THOC5: variants seen among roughly 807,000 people sequenced by gnomAD.
The protein encoded by THOC5 is THO complex subunit 5.
In THOC5, 43 loss-of-function variants were observed where a neutral mutation model predicts 92.9. The ratio of observed to expected loss-of-function variants is 0.46; its 90% confidence interval spans 0.36 to 0.60. The LOEUF (loss-of-function observed/expected upper bound fraction) is 0.60, where lower values mean the gene tolerates loss of function less well. THOC5 is among the 20% of genes least tolerant of loss of function. The probability of loss-of-function intolerance (pLI) is 0.00; values close to 1 mark genes in which losing one functional copy is unlikely to be tolerated. For synonymous variants in THOC5, 296 were observed against 320.1 expected, an observed-to-expected ratio of 0.92 and a Z score of 0.80; for missense variants, 659 against 849.4, an observed-to-expected ratio of 0.78 and a Z score of 2.79.
Position 29,508,531 on chromosome 22 carries a change from A to G in THOC5, c.1989-11T>C. 1 of 1,610,028 alleles carries G rather than the reference A, an allele frequency of 6.2e-7. No homozygotes were observed. The highest frequency in any genetic ancestry group is 8.5e-7 in the Non-Finnish European group (1 of 1,176,224). On this transcript the variant is annotated splice_polypyrimidine_tract_variant and intron_variant, in intron 19 of 19. Coordinates refer to ENST00000490103, the MANE Select transcript of THOC5 (RefSeq NM_003678.5). ...ATCCTGCTAGGACCCCTAGAGAAAT[A>G]GGAGAACGGAGTTGTTAATAACACA...
rs138121712 is a variant in THOC5 at position 29,523,103 on chromosome 22, G to A, written c.1176-2004C>T. Among the ~76,000 whole-genome samples the A allele has an allele frequency of 6.5e-3, 986 of 151,134 alleles. 5 individuals are homozygous for A. Among genetic ancestry groups the A allele is most frequent in the Non-Finnish European group, 0.012 (817 of 67,804 alleles). On this transcript the variant is annotated intron_variant, in intron 12 of 19. Transcript: ENST00000490103. Reference sequence around the variant, plus strand: ...CTAAAAATACAAAAATCAGCCAGGCGTGGTGGCGCATGCCTGTAATCCCAG... The same window carrying A: ...CTAAAAATACAAAAATCAGCCAGGCATGGTGGCGCATGCCTGTAATCCCAG...
intron 12 of THOC5, among the ~76,000 whole-genome samples, chr22:29,522,089 G>A (rs957354081): frequency 2.6e-5 from 4 of 151,862 alleles, no homozygotes; most frequent in African/African-American, 9.7e-5. Flanking sequence ...AGTGGCTCAC[G>A]CCTGTAATCC....
At chr22:29,546,619 T>C (rs1344973927) in intron 2 of THOC5, among the ~76,000 whole-genome samples, 2 of 151,852 alleles carry the variant, frequency 1.3e-5, no homozygotes, top group South Asian at 2.1e-4. Flanking sequence ...TCTGTATTTT[T>C]AGTAGAGATG....
intron 1 of THOC5, among the ~76,000 whole-genome samples, chr22:29,551,933 G>A (rs553292336): frequency 4.6e-5 from 7 of 152,078 alleles, no homozygotes; most frequent in East Asian, 1.9e-4. Context: ...TTGCAGGCGC[G>A]CGCCGCCACG....
In THOC5 at chr22:29,526,473, A is replaced by C. The variant is rs187969811; in HGVS notation, c.1067-527T>G. Reference sequence around the variant, plus strand: ...TGTGAACCCAGGAGGTGGAGCTTGCAGTGAGCAGAGATCACGCCACTGCAC... The same window carrying C: ...TGTGAACCCAGGAGGTGGAGCTTGCCGTGAGCAGAGATCACGCCACTGCAC... On this transcript the variant is annotated intron_variant, in intron 11 of 19. Coordinates refer to ENST00000490103, the MANE Select transcript of THOC5 (RefSeq NM_003678.5). Among the ~76,000 whole-genome samples, 188 of 152,206 alleles carry C rather than the reference A, an allele frequency of 1.2e-3. 5 individuals are homozygous for C. The South Asian group carries it at 0.024, about 20-fold the overall frequency.
In THOC5 at chr22:29,529,164, T is replaced by A; in HGVS notation, c.923A>T (p.Gln308Leu). The A allele has an allele frequency of 6.2e-7, 1 of 1,614,162 alleles. No individual in the cohort carries two copies. Among genetic ancestry groups the A allele is most frequent in the Non-Finnish European group, 8.5e-7 (1 of 1,180,010 alleles). ...KALFKPPEDS[Q>L]DDESDSDAEE... is the part of the protein sequence containing the mutation. Reference sequence around the variant, plus strand: ...ACGAATCCCAACCACCACATTACCTTGGGAGTCCTCTGGAGGTTTGAACAG... The same window carrying A: ...ACGAATCCCAACCACCACATTACCTAGGGAGTCCTCTGGAGGTTTGAACAG... The change falls in exon 9 of 20, where the codon CAA becomes CTA. Residue 308 changes from glutamine (Q) to leucine (L), a missense_variant and splice_region_variant. Gln to Leu is a moderately radical substitution (Grantham distance 113). Transcript: ENST00000490103.
chr22:29,537,409 G>A lies in THOC5; in HGVS notation c.600-671C>T, dbSNP rs145198181. Among the ~76,000 whole-genome samples, 97 of 152,358 alleles carry A rather than the reference G, an allele frequency of 6.4e-4. 2 individuals are homozygous for A. The East Asian group carries it at 0.013, about 21-fold the overall frequency. ...TAATTCCAGCACTTTGGGAGGCCCA[G>A]GCAGGCGGATCACCTGAGGTCAAGA... On this transcript the variant is annotated intron_variant, in intron 6 of 19. Transcript: ENST00000490103.
intron 5 of THOC5, among the ~76,000 whole-genome samples, chr22:29,541,893 A>AAAAAAT (rs2063903112): frequency 6.7e-5 from 5 of 74,164 alleles, no homozygotes; most frequent in African/African-American, 2.1e-4. Context: ...AAAAAAAAAA[A>AAAAAAT]ATATATATAT....
intron 5 of THOC5, among the ~76,000 whole-genome samples, chr22:29,541,224 A>C (rs2063874852): frequency 6.6e-6 from 1 of 151,928 alleles, no homozygotes. Context: ...AAAAATCAGC[A>C]TCAGGCCAGG....
At chr22:29,512,993 A>G (rs1433465689) in intron 17 of THOC5, among the ~76,000 whole-genome samples, 2 of 152,190 alleles carry the variant, frequency 1.3e-5, no homozygotes, top group Non-Finnish European at 2.9e-5. Flanking sequence ...TCTGACCACT[A>G]GTTATTCAAA....
At chr22:29,546,008 A>G (rs2064010353) in intron 2 of THOC5, among the ~76,000 whole-genome samples, 1 of 152,360 alleles carries the variant, frequency 6.6e-6, no homozygotes, top group Non-Finnish European at 1.5e-5. Context: ...GTTTCCGTAC[A>G]TCTTCTGAAA....
chr22:29,544,330 C>G, intron 3 of THOC5, 130 bp downstream of exon 3: 1 of 891,606 alleles, frequency 1.1e-6, no homozygotes, highest in Non-Finnish European at 1.6e-6. Context: ...GTTTTGGGAG[C>G]CCTCAGGCTC....
At chr22:29,528,540 G>T in intron 9 of THOC5, 74 bp from the exon 10 acceptor site, 1 of 1,464,558 alleles carries the variant, frequency 6.8e-7, no homozygotes, top group East Asian at 2.3e-5. Context: ...AACCCACATG[G>T]CATAAAGGGG....
chr22:29,544,437 G>A (rs372418181), intron 3 of THOC5, 23 bp downstream of exon 3: 25 of 1,606,864 alleles, frequency 1.6e-5, no homozygotes, highest in African/African-American at 1.2e-4. Flanking sequence ...CCAGGTTCAC[G>A]GCCACCTGGT....
At chr22:29,549,245 A>T (rs2064092808) in intron 1 of THOC5, 87 bp from the exon 2 acceptor site, 2 of 1,187,994 alleles carry the variant, frequency 1.7e-6, no homozygotes, top group Non-Finnish European at 2.5e-6. Flanking sequence ...CAGACTTGGT[A>T]ACTCAAGGAA....
intron 6 of THOC5, among the ~76,000 whole-genome samples, chr22:29,538,535 C>G (rs1256624123): frequency 6.6e-6 from 1 of 152,070 alleles, no homozygotes; most frequent in Non-Finnish European, 1.5e-5. Context: ...TGGTAACTCA[C>G]ACCTGTAATC....
chr22:29,516,958 C>A, intron 17 of THOC5, 71 bp downstream of exon 17: 1 of 1,478,384 alleles, frequency 6.8e-7, no homozygotes, highest in Non-Finnish European at 9.5e-7. Context: ...CTGCTTTGGG[C>A]AGCCCCGGAG....
intron 17 of THOC5, among the ~76,000 whole-genome samples, 154 bp downstream of exon 17, chr22:29,516,875 A>G (rs753872990): frequency 3.3e-5 from 5 of 152,240 alleles, no homozygotes; most frequent in Non-Finnish European, 5.9e-5. Context: ...ACTGTGTTGC[A>G]GAATGAGTCC....
At chr22:29,514,965 A>T (rs1477947964) in intron 17 of THOC5, among the ~76,000 whole-genome samples, 1 of 151,966 alleles carries the variant, frequency 6.6e-6, no homozygotes, top group African/African-American at 2.4e-5. Context: ...TCAGCCTCCC[A>T]AAGTGCTGGG....
Sources: gnomAD v4.1 joint callset for allele counts (sites outside exome capture counted in the v4.1 genomes callset) on GRCh38, gnomAD v4.1.1 for gene constraint, MANE v1.5 for transcripts, NCBI Gene and HGNC (gene_info 2026-07-23, HGNC 2026-07-21) for gene names.